Variants in FANCL observed in about 807,000 individuals in gnomAD.
FANCL encodes E3 ubiquitin-protein ligase FANCL.
A neutral mutation model predicts 59.4 loss-of-function variants in FANCL; 69 were observed. That is an observed-to-expected ratio of 1.16 (90% CI 0.96 to 1.42). FANCL has a LOEUF of 1.42. FANCL is among the 40% of genes most tolerant of loss of function. The pLI is 0.00. For missense variants in FANCL, 519 were observed against 447.2 expected (o/e 1.16, Z -1.45); for synonymous variants, 180 against 147.1 (o/e 1.22, Z -1.62).
intron 7 of FANCL, among the ~76,000 whole-genome samples, chr2:58,176,574 T>C (rs1157723372): frequency 1.4e-4 from 21 of 152,204 alleles, no homozygotes; most frequent in South Asian, 4.1e-4. Flanking sequence ...ACTGGCTAGC[T>C]ATATGTAGGA....
chr2:58,241,097 G>A (rs908174248), intron 1 of FANCL, 121 bp downstream of exon 1: 11 of 1,028,646 alleles, frequency 1.1e-5, no homozygotes, highest in Non-Finnish European at 1.6e-5. Context: ...GAGCCGTTAC[G>A]CGCCGCCCCT....
chr2:58,193,721 G>A (rs1266328969), intron 7 of FANCL, among the ~76,000 whole-genome samples: 1 of 152,024 alleles, frequency 6.6e-6, no homozygotes, highest in Non-Finnish European at 1.5e-5. Context: ...GAATCCAGTT[G>A]GTCAAAAGAA....
intron 4 of FANCL, 84 bp downstream of exon 4, chr2:58,226,644 T>A (rs1693028594): frequency 1.0e-6 from 1 of 966,614 alleles, no homozygotes; most frequent in South Asian, 1.4e-5. Flanking sequence ...CAAATTCTAA[T>A]AATGTCAGTT....
chr2:58,219,171 A>AAAAT (rs1558810201), intron 5 of FANCL, among the ~76,000 whole-genome samples: 9 of 19,254 alleles, frequency 4.7e-4, no homozygotes, highest in Non-Finnish European at 6.3e-4. Context: ...AAAAAAAAAA[A>AAAAT]ATATATATAT....
In FANCL at chr2:58,200,117, GA is replaced by G. The variant is rs913456375; in HGVS notation, c.472-1456del. 2.9e-4 allele frequency among the ~76,000 whole-genome samples: 42 copies of G among 146,242 alleles called. 1 individual carries two copies. The East Asian group carries it at 4.4e-3, about 15-fold the overall frequency. ...GTCTACTTCTGGAAAAAAAAAAAAA[GA>G]AAAAAATATCATGCTGAAATTAAAA... On this transcript the variant is annotated intron_variant, in intron 6 of 13. Coordinates refer to ENST00000233741, the MANE Select transcript of FANCL (RefSeq NM_018062.4).
chr2:58,193,395 G>A (rs189640075), intron 7 of FANCL, among the ~76,000 whole-genome samples: 24 of 151,792 alleles, frequency 1.6e-4, no homozygotes, highest in Admixed American at 1.3e-3. Flanking sequence ...TTCTTTTTTA[G>A]AATCAATATA....
intron 5 of FANCL, among the ~76,000 whole-genome samples, chr2:58,214,594 G>A (rs777076199): frequency 2.6e-5 from 4 of 151,910 alleles, no homozygotes; most frequent in Non-Finnish European, 5.9e-5. Context: ...CTGCAGCCTC[G>A]ACCTACCCAG....
chr2:58,185,783 G>A (rs1688340647), intron 7 of FANCL, among the ~76,000 whole-genome samples: 1 of 152,082 alleles, frequency 6.6e-6, no homozygotes, highest in African/African-American at 2.4e-5. Context: ...ACAAGTTAAG[G>A]AATCAGGAGA....
intron 7 of FANCL, among the ~76,000 whole-genome samples, chr2:58,183,085 G>C (rs914187652): frequency 2.0e-5 from 3 of 151,690 alleles, no homozygotes; most frequent in African/African-American, 7.3e-5. Flanking sequence ...ACTCATCCTA[G>C]AGAAGTTCAC....
At chr2:58,219,140 T>C (rs1244700156) in intron 5 of FANCL, among the ~76,000 whole-genome samples, 1 of 16,604 alleles carries the variant, frequency 6.0e-5, no homozygotes, top group Non-Finnish European at 1.3e-4. Flanking sequence ...AAATACATGC[T>C]AAAAAAAAAA....
chr2:58,176,183 T>C (rs537625064), intron 7 of FANCL, among the ~76,000 whole-genome samples: 11 of 152,192 alleles, frequency 7.2e-5, no homozygotes, highest in African/African-American at 2.2e-4. Flanking sequence ...AGAATCAATA[T>C]CATGAAAATG....
chr2:58,236,115 T>C (rs1476198998), intron 1 of FANCL, among the ~76,000 whole-genome samples: 2 of 146,574 alleles, frequency 1.4e-5, no homozygotes, highest in Non-Finnish European at 3.0e-5. Flanking sequence ...AATGAAAATA[T>C]ATACTCAGAG....
At chr2:58,161,729 C>G in intron 11 of FANCL, 91 bp from the exon 12 acceptor site, 1 of 791,638 alleles carries the variant, frequency 1.3e-6, no homozygotes, top group East Asian at 2.7e-5. Flanking sequence ...TATTTTGATA[C>G]ATGTATACAG....
At chr2:58,166,418 C>A (rs1461590276) in intron 7 of FANCL, among the ~76,000 whole-genome samples, 1 of 152,132 alleles carries the variant, frequency 6.6e-6, no homozygotes, top group African/African-American at 2.4e-5. Context: ...ACAGAAGGTA[C>A]AAATGATGTT....
intron 7 of FANCL, among the ~76,000 whole-genome samples, chr2:58,191,737 T>G (rs1462106027): frequency 6.6e-6 from 1 of 151,842 alleles, no homozygotes; most frequent in Admixed American, 6.6e-5. Flanking sequence ...TCATTACACA[T>G]GGAGAGAGAC....
intron 5 of FANCL, among the ~76,000 whole-genome samples, chr2:58,216,372 T>A (rs1351934571): frequency 1.3e-5 from 2 of 152,018 alleles, no homozygotes; most frequent in Non-Finnish European, 2.9e-5. Flanking sequence ...ATGTGCAATA[T>A]CCAACAGTAA....
chr2:58,213,299 T>G (rs974697238), intron 5 of FANCL, among the ~76,000 whole-genome samples: 3 of 152,220 alleles, frequency 2.0e-5, no homozygotes, highest in African/African-American at 7.2e-5. Context: ...AATTCTAGTA[T>G]GTGGACAGCA....
intron 2 of FANCL, among the ~76,000 whole-genome samples, chr2:58,230,388 G>C (rs1167703622): frequency 6.6e-6 from 1 of 151,974 alleles, no homozygotes; most frequent in Non-Finnish European, 1.5e-5. Context: ...ACTGCAACCT[G>C]AACTCCTAGG....
chr2:58,227,163 G>A (rs866409253), intron 3 of FANCL, among the ~76,000 whole-genome samples: 8 of 152,144 alleles, frequency 5.3e-5, no homozygotes, highest in Middle Eastern at 3.2e-3. Flanking sequence ...GCATACAGAC[G>A]GGCAGGCTGT....
Sources: gnomAD v4.1 joint callset for allele counts (sites outside exome capture counted in the v4.1 genomes callset) on GRCh38, gnomAD v4.1.1 for gene constraint, MANE v1.5 for transcripts, NCBI Gene and HGNC (gene_info 2026-07-23, HGNC 2026-07-21) for gene names.